The following PLEKHB1 variants were observed in gnomAD, a reference collection of about 807,000 sequenced individuals.
PLEKHB1 encodes the protein pleckstrin homology domain-containing family B member 1.
A neutral mutation model predicts 36.2 loss-of-function variants in PLEKHB1; 29 were observed. The observed-to-expected ratio is 0.80, with a 90% CI of 0.60 to 1.09. The LOEUF is 1.09. PLEKHB1 is among the 50% of genes least tolerant of loss of function. The probability of loss-of-function intolerance (pLI) is 0.00; values close to 1 mark genes in which losing one functional copy is unlikely to be tolerated. For missense variants in PLEKHB1, 330 were observed against 348.2 expected (o/e 0.95, Z 0.42); for synonymous variants, 138 against 140.0 (o/e 0.99, Z 0.10).
chr11:73,649,368 T>C (rs1944839661), intron 2 of PLEKHB1, among the ~76,000 whole-genome samples: 1 of 152,116 alleles, frequency 6.6e-6, no homozygotes, highest in African/African-American at 2.4e-5. Context: ...CAAGCTGGAT[T>C]AGAGGCTCCC....
chr11:73,661,340 A>C lies in PLEKHB1; in HGVS notation c.596-126A>C. 9.3e-7 allele frequency: 1 copy of C among 1,072,352 alleles called. No homozygotes were observed. The highest frequency in any genetic ancestry group is 2.6e-5 in the East Asian group (1 of 38,164). 66.4% of individuals were successfully genotyped at this position (1,072,352 alleles called of 1,614,324 possible). ...TTCCCGCGTCTAGATCTGTTCTTTG[A>C]CTGGGGAGCAGGAGAGTGGGTTCGG... On this transcript the variant is annotated intron_variant, in intron 7 of 7. Transcript: ENST00000354190. The surrounding 1 kb of genome is among the most constrained non-coding windows in gnomAD (Gnocchi z 4.6).
chr11:73,657,072 G>A (rs772774497), intron 6 of PLEKHB1, among the ~76,000 whole-genome samples: 5 of 152,134 alleles, frequency 3.3e-5, no homozygotes, highest in South Asian at 2.1e-4. Context: ...CTCAGGAGGC[G>A]GACGTGGTTG....
intron 1 of PLEKHB1, chr11:73,647,558 C>A: frequency 1.0e-6 from 1 of 985,552 alleles, no homozygotes. Context: ...CACTCCCCCT[C>A]CCTGGGGTGG....
intron 6 of PLEKHB1, among the ~76,000 whole-genome samples, chr11:73,660,153 C>T (rs1945075156): frequency 6.6e-6 from 1 of 152,184 alleles, no homozygotes. Context: ...GGTTTGTTGG[C>T]TTGGAGCAAT....
chr11:73,647,648 G>A, intron 1 of PLEKHB1: 5 of 985,404 alleles, frequency 5.1e-6, no homozygotes, highest in Non-Finnish European at 6.0e-6. Flanking sequence ...GGCTCTCCGG[G>A]GCACACAAAG....
At chr11:73,650,271 A>G (rs527552553) in intron 2 of PLEKHB1, among the ~76,000 whole-genome samples, 19 of 152,340 alleles carry the variant, frequency 1.2e-4, no homozygotes, top group Middle Eastern at 3.4e-3. Flanking sequence ...TTGCCCTTGA[A>G]GAGACCTGGG....
Position 73,661,673 on chromosome 11 carries a change from C to T in PLEKHB1, c.*71C>T, listed in dbSNP as rs916794549. 1 of 1,503,722 alleles carries T rather than the reference C, an allele frequency of 6.7e-7. No homozygotes were observed. The highest frequency in any genetic ancestry group is 1.4e-5 in the African/African-American group (1 of 71,692). 93.1% of individuals were successfully genotyped at this position (1,503,722 alleles called of 1,614,324 possible). A position where few individuals can be genotyped will look rare whatever the true frequency, so the allele number is the denominator to read the frequency against. On this transcript the variant is annotated 3_prime_UTR_variant, in exon 8 of 8. Coordinates refer to ENST00000354190, the MANE Select transcript of PLEKHB1 (RefSeq NM_021200.3). The surrounding 1 kb of genome is among the most constrained non-coding windows in gnomAD (Gnocchi z 4.6). Reference sequence around the variant, plus strand: ...TCCTCTTCCTCCTGGACCCCATCCTCTACCATCCAAGCCCTGTCCCACTTT... The same window carrying T: ...TCCTCTTCCTCCTGGACCCCATCCTTTACCATCCAAGCCCTGTCCCACTTT...
intron 2 of PLEKHB1, 109 bp downstream of exon 2, chr11:73,649,196 T>C (rs1944834577): frequency 7.4e-7 from 1 of 1,348,322 alleles, no homozygotes; most frequent in Non-Finnish European, 1.0e-6. Context: ...CATCCTTCCC[T>C]TGTTTGTCCA....
chr11:73,660,797 C>G lies in PLEKHB1; in HGVS notation c.540C>G (p.Pro180=), dbSNP rs147173613. The part of the protein sequence containing the change: ...SPYQDYYEVV[P]PNAHEATYVR... ...ACCAAGACTACTACGAGGTGGTGCC[C>G]CCCAATGCACACGAGGCCACGTATG... The change falls in exon 7 of 8, where the codon CCC becomes CCG. Residue 180 remains proline (P), a synonymous_variant. Transcript: ENST00000354190. The G allele has an allele frequency of 0.015, 23,740 of 1,602,570 alleles. 226 individuals carry two copies. Among genetic ancestry groups the G allele is most frequent in the Non-Finnish European group, 0.018 (20,722 of 1,175,588 alleles).
chr11:73,647,606 C>T (rs891110470), intron 1 of PLEKHB1: 1 of 985,466 alleles, frequency 1.0e-6, no homozygotes, highest in Non-Finnish European at 1.2e-6. Flanking sequence ...CAGCTGGGCT[C>T]TCAGGCGCTG....
Position 73,660,786 on chromosome 11 carries a change from G to T in PLEKHB1, c.529G>T (p.Glu177Ter), listed in dbSNP as rs759513091. The change falls in exon 7 of 8, where the codon GAG becomes TAG. Residue 177 changes from glutamate to a stop codon, truncating the protein, a stop_gained. Transcript: ENST00000354190. LOFTEE classifies it high-confidence loss of function. The part of the protein sequence containing the change: ...RVYSPYQDYY[E>*]VVPPNAHEAT... ...CTACAGCCCGTACCAAGACTACTACGAGGTGGTGCCCCCCAATGCACACGA... is the reference window on the plus strand; with the variant it reads ...CTACAGCCCGTACCAAGACTACTACTAGGTGGTGCCCCCCAATGCACACGA... 3 of 1,601,532 alleles carry T rather than the reference G, an allele frequency of 1.9e-6. No homozygotes were observed. Among genetic ancestry groups the T allele is most frequent in the East Asian group, 2.3e-5 (1 of 44,182 alleles).
chr11:73,649,835 C>T (rs1226101135), intron 2 of PLEKHB1, among the ~76,000 whole-genome samples: 3 of 152,182 alleles, frequency 2.0e-5, no homozygotes, highest in African/African-American at 7.2e-5. Flanking sequence ...CCAGGACCTG[C>T]GTGGGGAGCC....
chr11:73,653,364 C>A, intron 5 of PLEKHB1: 1 of 546,904 alleles, frequency 1.8e-6, no homozygotes. Context: ...TGTTCTCTCT[C>A]TGCAGATGAT....
chr11:73,648,766 G>T, intron 1 of PLEKHB1: 1 of 1,265,156 alleles, frequency 7.9e-7, no homozygotes, highest in Non-Finnish European at 1.0e-6. Context: ...CCAAGCTGAG[G>T]CTGGAATCCA....
At chr11:73,655,986 TC>T in intron 6 of PLEKHB1, 79 bp downstream of exon 6, 1 of 1,209,840 alleles carries the variant, frequency 8.3e-7, no homozygotes, top group Non-Finnish European at 1.2e-6. Flanking sequence ...GTCCATCCCT[TC>T]CCTGTGACAA....
In PLEKHB1 at chr11:73,661,485, G is replaced by T. The variant is rs1472426901; in HGVS notation, c.615G>T (p.Val205=). The T allele has an allele frequency of 1.1e-5, 18 of 1,613,858 alleles. No homozygotes were observed. The East Asian group carries it at 4.0e-4, about 36-fold the overall frequency. Residue 205 remains valine (V), a synonymous_variant, in exon 8 of 8, where the codon GTG becomes GTT. Transcript: ENST00000354190. This position sits in a 1 kb window ranked among gnomAD's most constrained non-coding sequence, Gnocchi z 4.6. ...CTGCAGGCCCTGGCGTGACGCACGT[G>T]ATAGTGCGGGAGGATCCCTGCTACA... The part of the protein sequence containing the change: ...PPYAGPGVTH[V]IVREDPCYSA...
At chr11:73,655,501 A>T (rs2008722) in intron 5 of PLEKHB1, among the ~76,000 whole-genome samples, 139,793 of 152,230 alleles carry the variant, frequency 0.92, 64,518 homozygotes, top group East Asian at 1. Context: ...AGAGGACAGA[A>T]GGGAGTCGCC....
chr11:73,658,384 C>T (rs1037386900), intron 6 of PLEKHB1, among the ~76,000 whole-genome samples: 1 of 152,214 alleles, frequency 6.6e-6, no homozygotes, highest in Non-Finnish European at 1.5e-5. Context: ...CTTTCTTCAA[C>T]CCTCCATAGC....
At chr11:73,660,984 C>A in intron 7 of PLEKHB1, 132 bp downstream of exon 7, 1 of 802,170 alleles carries the variant, frequency 1.2e-6, no homozygotes, top group East Asian at 2.7e-5. Flanking sequence ...GCAGAACTCT[C>A]CGCAAGCCCC....
Sources: gnomAD v4.1 joint callset for allele counts (sites outside exome capture counted in the v4.1 genomes callset) on GRCh38, gnomAD v4.1.1 for gene constraint, Gnocchi (gnomAD v3.1) non-coding constraint, MANE v1.5 for transcripts, NCBI Gene and HGNC (gene_info 2026-07-23, HGNC 2026-07-21) for gene names.